The following CPQ variants were observed in gnomAD, a reference collection of about 807,000 sequenced individuals.
CPQ encodes the protein carboxypeptidase Q, also known as Ser-Met dipeptidase.
In CPQ, 37 loss-of-function variants were observed where a neutral mutation model predicts 45.7. The observed-to-expected ratio is 0.81, with a 90% CI of 0.62 to 1.07. The LOEUF (loss-of-function observed/expected upper bound fraction) is 1.07. CPQ is among the 50% of genes least tolerant of loss of function. The probability of loss-of-function intolerance (pLI) is 0.00; values close to 1 mark genes in which losing one functional copy is unlikely to be tolerated. For synonymous variants in CPQ, 186 were observed against 205.8 expected (o/e 0.90, Z 0.82); for missense variants, 537 against 572.9 (o/e 0.94, Z 0.64).
chr8:96,759,804 G>A (rs1810375412), intron 1 of CPQ, among the ~76,000 whole-genome samples: 1 of 152,108 alleles, frequency 6.6e-6, no homozygotes, highest in African/African-American at 2.4e-5. Context: ...GCTAGTAATA[G>A]CAAATGATCA....
At chr8:96,867,213 G>T (rs116349641) in intron 3 of CPQ, among the ~76,000 whole-genome samples, 182 of 152,070 alleles carry the variant, frequency 1.2e-3, no homozygotes, top group African/African-American at 4.1e-3. Context: ...CTTTTTGAAA[G>T]AAAAATTTAA....
At chr8:97,122,080 G>A (rs945534258) in intron 7 of CPQ, among the ~76,000 whole-genome samples, 12 of 152,204 alleles carry the variant, frequency 7.9e-5, no homozygotes, top group African/African-American at 2.9e-4. Flanking sequence ...TAACATATAT[G>A]TAAATGGAGT....
chr8:96,896,796 CATAA>C (rs1320820251), intron 4 of CPQ, among the ~76,000 whole-genome samples: 1 of 152,064 alleles, frequency 6.6e-6, no homozygotes, highest in Non-Finnish European at 1.5e-5. Flanking sequence ...CTTTAAAGAA[CATAA>C]ATGAATGAAT....
chr8:96,661,862 A>G (rs1046551787), intron 1 of CPQ, among the ~76,000 whole-genome samples: 5 of 152,204 alleles, frequency 3.3e-5, no homozygotes, highest in African/African-American at 1.2e-4. Flanking sequence ...AGAAACTGTC[A>G]AACTATTTTC....
chr8:96,822,015 T>A (rs558952805), intron 2 of CPQ, among the ~76,000 whole-genome samples: 1 of 152,132 alleles, frequency 6.6e-6, no homozygotes, highest in Non-Finnish European at 1.5e-5. Context: ...TTGAACTTTT[T>A]CTAACTGAAA....
chr8:97,127,568 A>C (rs1811868730), intron 7 of CPQ, among the ~76,000 whole-genome samples: 1 of 152,164 alleles, frequency 6.6e-6, no homozygotes, highest in South Asian at 2.1e-4. Context: ...ACGCACCTGT[A>C]GTCCCAGCTA....
chr8:96,776,030 T>C (rs564929510), intron 1 of CPQ, among the ~76,000 whole-genome samples: 2 of 152,362 alleles, frequency 1.3e-5, no homozygotes, highest in South Asian at 4.1e-4. Flanking sequence ...GTTTTCCTTA[T>C]GTTTGTATCT....
intron 1 of CPQ, among the ~76,000 whole-genome samples, chr8:96,738,780 G>A (rs997976957): frequency 1.3e-5 from 2 of 152,174 alleles, no homozygotes; most frequent in Admixed American, 1.3e-4. Flanking sequence ...TCCCTACAAA[G>A]GACATGAACT....
intron 4 of CPQ, among the ~76,000 whole-genome samples, chr8:96,887,618 T>C (rs1274689370): frequency 6.6e-6 from 1 of 152,252 alleles, no homozygotes; most frequent in Non-Finnish European, 1.5e-5. Flanking sequence ...TAATGGATTC[T>C]CTAATGTTGA....
At chr8:97,061,943 T>C (rs1323164552) in intron 6 of CPQ, among the ~76,000 whole-genome samples, 1 of 152,136 alleles carries the variant, frequency 6.6e-6, no homozygotes, top group Non-Finnish European at 1.5e-5. Flanking sequence ...GTCTGGATCA[T>C]TCAGAAGCCC....
chr8:96,784,779 G>T, intron 1 of CPQ, 85 bp from the exon 2 acceptor site: 1 of 955,964 alleles, frequency 1.0e-6, no homozygotes. Flanking sequence ...GAAGGGGAAT[G>T]CTGCTTGAAA....
At chr8:96,737,903 T>A (rs1810009770) in intron 1 of CPQ, among the ~76,000 whole-genome samples, 1 of 152,192 alleles carries the variant, frequency 6.6e-6, no homozygotes, top group Admixed American at 6.5e-5. Flanking sequence ...ATTCTTGATT[T>A]GTAGTTCTTT....
chr8:96,715,704 CA>C (rs1563477199), intron 1 of CPQ, among the ~76,000 whole-genome samples: 1 of 152,166 alleles, frequency 6.6e-6, no homozygotes, highest in Non-Finnish European at 1.5e-5. Flanking sequence ...AAACTTCCCA[CA>C]AGCAGAAAGT....
chr8:97,050,043 A>T (rs959569425), intron 6 of CPQ, among the ~76,000 whole-genome samples: 3 of 152,142 alleles, frequency 2.0e-5, no homozygotes, highest in Non-Finnish European at 2.9e-5. Context: ...TGAAACTCTA[A>T]GGGAGCTTTT....
At chr8:96,826,106 A>G (rs1468610435) in intron 2 of CPQ, among the ~76,000 whole-genome samples, 1 of 152,096 alleles carries the variant, frequency 6.6e-6, no homozygotes, top group Non-Finnish European at 1.5e-5. Context: ...CCAATACTGT[A>G]TTTTAATGAT....
intron 4 of CPQ, among the ~76,000 whole-genome samples, chr8:96,905,470 G>A (rs1416160087): frequency 2.0e-5 from 3 of 152,130 alleles, no homozygotes; most frequent in Non-Finnish European, 4.4e-5. Context: ...ATACAAAGCT[G>A]ACTCTCAGAT....
At chr8:96,761,107 T>C (rs1486032582) in intron 1 of CPQ, 2 of 152,198 alleles carry the variant, frequency 1.3e-5, no homozygotes, top group Non-Finnish European at 2.9e-5. Flanking sequence ...AAACCTTTAA[T>C]GCAGTATTGT....
intron 3 of CPQ, among the ~76,000 whole-genome samples, chr8:96,859,427 TG>T (rs1194421377): frequency 1.3e-5 from 2 of 152,170 alleles, no homozygotes; most frequent in Non-Finnish European, 2.9e-5. Context: ...AAGCCGTACA[TG>T]GTTTCCAGAG....
chr8:96,991,023 A>G (rs754822589), intron 5 of CPQ, among the ~76,000 whole-genome samples: 87 of 152,106 alleles, frequency 5.7e-4, no homozygotes, highest in Non-Finnish European at 1.2e-3. Flanking sequence ...TTCCCATCCT[A>G]GTTTGTATTC....
Sources: gnomAD v4.1 joint callset for allele counts (sites outside exome capture counted in the v4.1 genomes callset) on GRCh38, gnomAD v4.1.1 for gene constraint, MANE v1.5 for transcripts, NCBI Gene and HGNC (gene_info 2026-07-23, HGNC 2026-07-21) for gene names.